HCN1: variants seen among roughly 807,000 people sequenced by gnomAD.
HCN1 encodes hyperpolarization activated cyclic nucleotide gated potassium channel 1.
A neutral mutation model predicts 78.9 loss-of-function variants in HCN1; 13 were observed. The ratio of observed to expected loss-of-function variants is 0.16; its 90% CI spans 0.11 to 0.26. The LOEUF is 0.26. Ranked by LOEUF, HCN1 falls within the 10% of genes least tolerant of loss-of-function variation. HCN1 has a pLI of 1.00. For missense variants in HCN1, 810 were observed against 1,154.3 expected (o/e 0.70, Z 4.32); for synonymous variants, 552 against 455.5 (o/e 1.21, Z -2.70).
chr5:45,349,432 A>C (rs1438688401), intron 5 of HCN1, among the ~76,000 whole-genome samples: 1 of 152,222 alleles, frequency 6.6e-6, no homozygotes, highest in African/African-American at 2.4e-5. Flanking sequence ...GAAAGATCCA[A>C]ATTTGACACC....
intron 1 of HCN1, among the ~76,000 whole-genome samples, chr5:45,655,341 T>G (rs1745745127): frequency 1.3e-5 from 2 of 152,222 alleles, no homozygotes; most frequent in African/African-American, 4.8e-5. Context: ...CAACCTTGTC[T>G]AAGTTTGAAA....
intron 2 of HCN1, among the ~76,000 whole-genome samples, chr5:45,551,172 G>A (rs531102146): frequency 6.6e-6 from 1 of 151,914 alleles, no homozygotes; most frequent in Non-Finnish European, 1.5e-5. Flanking sequence ...TTCATATTCA[G>A]TGATACGCAT....
chr5:45,513,283 AC>A (rs1742451796), intron 2 of HCN1, among the ~76,000 whole-genome samples: 1 of 152,208 alleles, frequency 6.6e-6, no homozygotes, highest in Admixed American at 6.5e-5. Context: ...AAATCATAAT[AC>A]ATATAACTCT....
At chr5:45,372,132 A>ATTATAT (rs1747398350) in intron 4 of HCN1, among the ~76,000 whole-genome samples, 6 of 52,866 alleles carry the variant, frequency 1.1e-4, no homozygotes, top group African/African-American at 7.3e-4. Context: ...TTATATATAT[A>ATTATAT]ATATAATAAT....
At chr5:45,445,690 C>A (rs1403822456) in intron 3 of HCN1, among the ~76,000 whole-genome samples, 2 of 151,270 alleles carry the variant, frequency 1.3e-5, no homozygotes, top group Non-Finnish European at 3.0e-5. Flanking sequence ...TGAGACAAAA[C>A]TTCCAGAGGA....
chr5:45,586,837 G>T lies in HCN1; in HGVS notation c.849+58348C>A, dbSNP rs183722564. Among the ~76,000 whole-genome samples, 186 of 152,218 alleles carry T rather than the reference G, an allele frequency of 1.2e-3. 1 individual carries two copies. The highest frequency in any genetic ancestry group is 4.2e-3 in the African/African-American group (173 of 41,518). ...ATTCGTGATTCCCCAAGTTTATGTG[G>T]TTTTGCTGTATGTAATAGACTATCT... On this transcript the variant is annotated intron_variant, in intron 2 of 7. Transcript: ENST00000303230.
chr5:45,610,823 T>G (rs1245275275), intron 2 of HCN1, among the ~76,000 whole-genome samples: 3 of 151,790 alleles, frequency 2.0e-5, no homozygotes, highest in Admixed American at 6.6e-5. Context: ...AAAAGGCATG[T>G]CCATAAAACA....
intron 2 of HCN1, among the ~76,000 whole-genome samples, chr5:45,489,713 T>C (rs1438440403): frequency 6.6e-6 from 1 of 152,142 alleles, no homozygotes; most frequent in Non-Finnish European, 1.5e-5. Context: ...GAGCCAGGCA[T>C]TGTCTAGGTG....
intron 5 of HCN1, among the ~76,000 whole-genome samples, chr5:45,351,167 C>T (rs1746892700): frequency 1.3e-5 from 2 of 151,958 alleles, no homozygotes; most frequent in South Asian, 4.2e-4. Context: ...GGTACTGATA[C>T]CAAAACAGAG....
intron 6 of HCN1, among the ~76,000 whole-genome samples, chr5:45,298,741 C>A (rs1380927278): frequency 6.6e-6 from 1 of 151,896 alleles, no homozygotes; most frequent in African/African-American, 2.4e-5. Flanking sequence ...GGAAGTGGAA[C>A]AATACTCCCC....
At chr5:45,314,864 C>G (rs1745944536) in intron 5 of HCN1, among the ~76,000 whole-genome samples, 1 of 152,156 alleles carries the variant, frequency 6.6e-6, no homozygotes, top group Non-Finnish European at 1.5e-5. Context: ...GAAGAGCTAA[C>G]TATCCTAAAT....
intron 4 of HCN1, among the ~76,000 whole-genome samples, chr5:45,364,179 T>C (rs1747184698): frequency 6.6e-6 from 1 of 152,088 alleles, no homozygotes; most frequent in African/African-American, 2.4e-5. Context: ...TTTTAATAGT[T>C]GGTATTTCCA....
intron 5 of HCN1, among the ~76,000 whole-genome samples, chr5:45,333,610 T>G (rs1011916221): frequency 2.0e-5 from 3 of 151,822 alleles, no homozygotes; most frequent in African/African-American, 7.2e-5. Context: ...AGTAGCTTTA[T>G]AGTTTGATGC....
intron 2 of HCN1, among the ~76,000 whole-genome samples, chr5:45,469,461 C>T (rs369323199): frequency 5.9e-5 from 9 of 151,828 alleles, no homozygotes; most frequent in African/African-American, 9.7e-5. Flanking sequence ...CAAATGTAGA[C>T]GATATTTACA....
In HCN1 at chr5:45,562,683, T is replaced by G. The variant is rs560025587; in HGVS notation, c.849+82502A>C. 1.2e-4 allele frequency among the ~76,000 whole-genome samples: 18 copies of G among 152,276 alleles called. No individual in the cohort carries two copies. In the East Asian group the frequency reaches 3.3e-3, roughly 28 times the overall value. Reference sequence around the variant, plus strand: ...CCTGTGATTTAGAATATTAAGAATGTGAGAATTGTCAAAGTGGAAGTGATA... The same window carrying G: ...CCTGTGATTTAGAATATTAAGAATGGGAGAATTGTCAAAGTGGAAGTGATA... On this transcript the variant is annotated intron_variant, in intron 2 of 7. Transcript: ENST00000303230.
chr5:45,460,807 TC>T (rs1741138498), intron 3 of HCN1, among the ~76,000 whole-genome samples: 2 of 151,424 alleles, frequency 1.3e-5, no homozygotes, highest in African/African-American at 4.8e-5. Context: ...CTTTTTTTTT[TC>T]AAATAGAAAA....
chr5:45,430,402 A>T (rs1740437797), intron 3 of HCN1, among the ~76,000 whole-genome samples: 1 of 151,618 alleles, frequency 6.6e-6, no homozygotes, highest in East Asian at 1.9e-4. Flanking sequence ...CAGCATAATA[A>T]CAGATAGGTA....
At chr5:45,373,391 AAT>A (rs1197869529) in intron 4 of HCN1, among the ~76,000 whole-genome samples, 2 of 105,146 alleles carry the variant, frequency 1.9e-5, no homozygotes, top group Non-Finnish European at 1.7e-5. Context: ...AATATATGTA[AAT>A]ATATATTATA....
intron 2 of HCN1, among the ~76,000 whole-genome samples, chr5:45,544,531 G>C (rs563903050): frequency 6.6e-6 from 1 of 151,722 alleles, no homozygotes; most frequent in Non-Finnish European, 1.5e-5. Context: ...TGCCATGTTG[G>C]TGTGCTGCAC....
Sources: gnomAD v4.1 joint callset for allele counts (sites outside exome capture counted in the v4.1 genomes callset) on GRCh38, gnomAD v4.1.1 for gene constraint, MANE v1.5 for transcripts, NCBI Gene and HGNC (gene_info 2026-07-23, HGNC 2026-07-21) for gene names.